Variants in HYCC1 observed in about 807,000 individuals in gnomAD.
The protein encoded by HYCC1 is hyccin.
chr7:22,926,217 A>G, the HYCC1 span, among the ~76,000 whole-genome samples: 12 of 152,110 alleles, frequency 7.9e-5, 1 homozygote, highest in African/African-American at 2.9e-4. Flanking sequence ...GGTACCAGCC[A>G]CTGCAAAAAC....
the HYCC1 span, chr7:22,978,132 A>G: frequency 1.3e-6 from 1 of 771,884 alleles, no homozygotes; most frequent in Non-Finnish European, 2.2e-6. Flanking sequence ...CCAGAAAGTT[A>G]TATTTGGAAG....
At chr7:22,916,742 C>G in the HYCC1 span, among the ~76,000 whole-genome samples, 1 of 152,200 alleles carries the variant, frequency 6.6e-6, no homozygotes, top group Non-Finnish European at 1.5e-5. Context: ...TGCCACTCAC[C>G]AGCAAAGGCA....
the HYCC1 span, among the ~76,000 whole-genome samples, chr7:22,926,996 G>A: frequency 6.6e-6 from 1 of 152,178 alleles, no homozygotes; most frequent in African/African-American, 2.4e-5. Context: ...TCAGACCACA[G>A]TGCAATGAAC....
the HYCC1 span, among the ~76,000 whole-genome samples, chr7:22,932,069 T>A: frequency 0.38 from 58,183 of 151,974 alleles, 11,352 homozygotes; most frequent in Non-Finnish European, 0.42. Flanking sequence ...ACCAAAGGCG[T>A]GGTGGACAAA....
chr7:22,914,618 C>A, the HYCC1 span, among the ~76,000 whole-genome samples: 2 of 152,172 alleles, frequency 1.3e-5, no homozygotes, highest in Non-Finnish European at 2.9e-5. Context: ...TGCCTGACGT[C>A]CAGGCATTCT....
chr7:22,934,389 G>C, the HYCC1 span: 1 of 151,972 alleles, frequency 6.6e-6, no homozygotes. Flanking sequence ...CTCCAGTCCT[G>C]TGTGGTTTCC....
the HYCC1 span, among the ~76,000 whole-genome samples, chr7:22,905,149 G>A: frequency 3.9e-5 from 6 of 152,076 alleles, no homozygotes; most frequent in South Asian, 4.1e-4. Context: ...ATCCACCCCC[G>A]TGATCCAAAC....
chr7:23,011,993 T>C, the HYCC1 span, among the ~76,000 whole-genome samples: 1 of 152,210 alleles, frequency 6.6e-6, no homozygotes, highest in African/African-American at 2.4e-5. Flanking sequence ...TAATTGTTAA[T>C]TTACTGTAAT....
chr7:22,904,424 C>CT, the HYCC1 span, among the ~76,000 whole-genome samples: 1 of 106,392 alleles, frequency 9.4e-6, no homozygotes, highest in Non-Finnish European at 2.0e-5. Context: ...GAGCGAGACT[C>CT]TGTCTCAAAA....
chr7:23,006,417 C>A, the HYCC1 span, among the ~76,000 whole-genome samples: 3 of 152,052 alleles, frequency 2.0e-5, no homozygotes, highest in African/African-American at 7.2e-5. Flanking sequence ...CAGGCGCCTG[C>A]CACCACACCT....
At chr7:22,997,156 TTA>T in the HYCC1 span, among the ~76,000 whole-genome samples, 1 of 152,184 alleles carries the variant, frequency 6.6e-6, no homozygotes, top group South Asian at 2.1e-4. Context: ...AATTCCCACA[TTA>T]TGTTATTAAT....
chr7:22,913,465 T>C, the HYCC1 span, among the ~76,000 whole-genome samples: 1 of 151,968 alleles, frequency 6.6e-6, no homozygotes, highest in Non-Finnish European at 1.5e-5. Context: ...ACAGTAGGAG[T>C]GTCAGGCCTC....
the HYCC1 span, among the ~76,000 whole-genome samples, chr7:22,931,509 G>C: frequency 6.6e-6 from 1 of 152,086 alleles, no homozygotes; most frequent in Non-Finnish European, 1.5e-5. Context: ...CTTTGGAATT[G>C]GTTAATGGGT....
chr7:22,920,206 G>C, the HYCC1 span, among the ~76,000 whole-genome samples: 24 of 152,206 alleles, frequency 1.6e-4, no homozygotes, highest in Non-Finnish European at 3.4e-4. Flanking sequence ...AGCTAGGTAG[G>C]CATGGTGGCA....
the HYCC1 span, among the ~76,000 whole-genome samples, chr7:22,931,368 G>T: frequency 1.3e-5 from 2 of 151,922 alleles, no homozygotes; most frequent in African/African-American, 4.8e-5. Flanking sequence ...AACTGTGAGA[G>T]AATAAATTTC....
At chr7:22,991,609 G>C in the HYCC1 span, among the ~76,000 whole-genome samples, 2 of 152,098 alleles carry the variant, frequency 1.3e-5, no homozygotes, top group African/African-American at 2.4e-5. Flanking sequence ...TCTTGAAAGT[G>C]TAATGTTCAT....
chr7:22,962,889 G>A, the HYCC1 span, among the ~76,000 whole-genome samples: 1 of 151,904 alleles, frequency 6.6e-6, no homozygotes, highest in African/African-American at 2.4e-5. Context: ...GAGGCATACA[G>A]AGAAGGCTGA....
the HYCC1 span, among the ~76,000 whole-genome samples, chr7:22,964,169 G>A: frequency 1.5e-4 from 23 of 151,616 alleles, no homozygotes; most frequent in Non-Finnish European, 2.2e-4. Flanking sequence ...TTTTCATTCC[G>A]TCCTTGAATT....
At chr7:22,912,822 A>C in the HYCC1 span, among the ~76,000 whole-genome samples, 1 of 152,216 alleles carries the variant, frequency 6.6e-6, no homozygotes, top group African/African-American at 2.4e-5. Flanking sequence ...AAAGAGAACC[A>C]AGGAAAGTGA....
Sources: allele counts gnomAD v4.1 joint callset (sites outside exome capture counted in the v4.1 genomes callset), GRCh38; gene constraint gnomAD v4.1.1; transcripts MANE v1.5; gene names NCBI Gene and HGNC (gene_info 2026-07-23, HGNC 2026-07-21).